The following DOCK4 variants were observed in gnomAD, a reference collection of about 807,000 sequenced individuals.
The protein encoded by DOCK4 is dedicator of cytokinesis protein 4.
A neutral mutation model predicts 268.1 loss-of-function variants in DOCK4; 97 were observed. The observed-to-expected ratio is 0.36, with a 90% CI of 0.31 to 0.43. The LOEUF is 0.43. DOCK4 is among the 20% of genes least tolerant of loss of function. The probability of loss-of-function intolerance (pLI) is 1.00; values close to 1 mark genes in which losing one functional copy is unlikely to be tolerated. For synonymous variants in DOCK4, 954 were observed against 887.2 expected (o/e 1.08, Z -1.34); for missense variants, 2,145 against 2,455.7 (o/e 0.87, Z 2.67).
chr7:111,762,462 G>C (rs1298152447), intron 39 of DOCK4, among the ~76,000 whole-genome samples: 2 of 152,068 alleles, frequency 1.3e-5, no homozygotes, highest in Admixed American at 6.5e-5. Flanking sequence ...CTGGCCTTTT[G>C]TGACTAGCTT....
At position 111,974,492 on chromosome 7, in the gene DOCK4, A is replaced by ATATGTG. The variant is rs1491266241; in HGVS notation, c.701+2639_701+2640insCACATA. 4.7e-5 allele frequency among the ~76,000 whole-genome samples: 4 copies of ATATGTG among 84,324 alleles called. No homozygotes were observed. The East Asian group carries it at 1.4e-3, about 29-fold the overall frequency. The allele number at this position is 84,324 out of a possible 152,430, so 55.3% of individuals were successfully genotyped here. A position where few individuals can be genotyped will look rare whatever the true frequency, so the allele number is the denominator to read the frequency against. ...AGATCAGGTGGCATATTGAAGAGGGATGTGTGTGTGTGTGTGTGTGTGTGT... is the reference window on the plus strand; with the variant it reads ...AGATCAGGTGGCATATTGAAGAGGGATATGTGTGTGTGTGTGTGTGTGTGTGTGTGT... On this transcript the variant is annotated intron_variant, in intron 8 of 52. Transcript: ENST00000428084.
rs1310748062 is a variant in DOCK4 at position 111,933,296 on chromosome 7, ATATTT to A, written c.1066+2239_1066+2243del. On this transcript the variant is annotated intron_variant, in intron 12 of 52. Coordinates refer to ENST00000428084, the MANE Select transcript of DOCK4 (RefSeq NM_001363540.2). Reference sequence around the variant, plus strand: ...CATATATACATATATATATATATATATATTTTTTTTTTTTTTTGAGATGGAGTCTC... The same window carrying A: ...CATATATACATATATATATATATATATTTTTTTTTTTTGAGATGGAGTCTC... 4.3e-4 allele frequency among the ~76,000 whole-genome samples: 47 copies of A among 108,382 alleles called. 1 individual carries two copies. Among genetic ancestry groups the A allele is most frequent in the African/African-American group, 1.9e-3 (47 of 24,262 alleles). 71.1% of individuals were successfully genotyped at this position (108,382 alleles called of 152,430 possible). A position where few individuals can be genotyped will look rare whatever the true frequency, so the allele number is the denominator to read the frequency against.
At chr7:111,861,091 G>C (rs989205516) in intron 23 of DOCK4, among the ~76,000 whole-genome samples, 1 of 152,176 alleles carries the variant, frequency 6.6e-6, no homozygotes, top group South Asian at 2.1e-4. Flanking sequence ...AGCAGGGTTG[G>C]TGTTTGAGTT....
At position 111,865,121 on chromosome 7, in the gene DOCK4, G is replaced by A. The variant is rs796220763; in HGVS notation, c.2281-1557C>T. Among the ~76,000 whole-genome samples, 91 of 152,298 alleles carry A rather than the reference G, an allele frequency of 6.0e-4. 2 individuals are homozygous for A. The highest frequency in any genetic ancestry group is 2.0e-3 in the African/African-American group (84 of 41,566). On this transcript the variant is annotated intron_variant, in intron 22 of 52. Coordinates refer to ENST00000428084, the MANE Select transcript of DOCK4 (RefSeq NM_001363540.2). ...GACACACAGGGAAAGATAACTATTG[G>A]GAATTGTCTAGCAGGGTTTGGGGCC...
chr7:111,728,362 G>T lies in DOCK4; in HGVS notation c.5840C>A (p.Ala1947Glu). 6.6e-7 allele frequency: 1 copy of T among 1,524,880 alleles called. No individual in the cohort carries two copies. The highest frequency in any genetic ancestry group is 8.8e-7 in the Non-Finnish European group (1 of 1,138,242). 94.5% of individuals were successfully genotyped at this position (1,524,880 alleles called of 1,614,324 possible). A position where few individuals can be genotyped will look rare whatever the true frequency, so the allele number is the denominator to read the frequency against. Residue 1947 changes from alanine (A) to glutamate (E), a missense_variant, in exon 53 of 53, where the codon GCG becomes GAG. Physicochemically the swap from Ala to Glu is moderately radical, Grantham distance 107. Transcript: ENST00000428084. ...CCCATTCTCCAGGTGGCTGGATCGC[G>T]CTGCCAGAGGCTTGGGGGGCAGCGC... Reference protein sequence around the residue: ...PPALPPKPLAARSSHLENGAR... With the variant: ...PPALPPKPLAERSSHLENGAR...
chr7:111,882,734 T>A (rs1490127965), intron 16 of DOCK4, among the ~76,000 whole-genome samples: 1 of 152,066 alleles, frequency 6.6e-6, no homozygotes, highest in Non-Finnish European at 1.5e-5. Context: ...TGCCTCAGCC[T>A]CCCAAGTAGC....
chr7:112,153,629 G>C (rs1390114694), intron 1 of DOCK4, among the ~76,000 whole-genome samples: 1 of 152,226 alleles, frequency 6.6e-6, no homozygotes, highest in East Asian at 1.9e-4. Context: ...TTCTTCATGA[G>C]CTAAGCCATA....
intron 15 of DOCK4, 117 bp downstream of exon 15, chr7:111,900,257 C>T (rs559989519): frequency 1.6e-6 from 2 of 1,273,522 alleles, no homozygotes; most frequent in Non-Finnish European, 2.2e-6. Flanking sequence ...TAGAATGGAA[C>T]AAACTGATTT....
chr7:112,193,320 G>A (rs1161696535), intron 1 of DOCK4, among the ~76,000 whole-genome samples: 3 of 152,130 alleles, frequency 2.0e-5, no homozygotes, highest in Admixed American at 2.0e-4. Context: ...ACTCAAATGG[G>A]TGCAGTCGTT....
intron 1 of DOCK4, among the ~76,000 whole-genome samples, chr7:112,081,154 G>A (rs953457098): frequency 6.6e-6 from 1 of 152,058 alleles, no homozygotes; most frequent in South Asian, 2.1e-4. Flanking sequence ...CATGAAAAAA[G>A]AATCGAAACA....
intron 22 of DOCK4, among the ~76,000 whole-genome samples, chr7:111,866,673 A>G (rs540645132): frequency 1.3e-5 from 2 of 152,240 alleles, no homozygotes; most frequent in Non-Finnish European, 2.9e-5. Flanking sequence ...GGTACAACTA[A>G]GGTAAAAAAA....
chr7:112,196,779 A>G (rs1176080884), intron 1 of DOCK4, among the ~76,000 whole-genome samples: 1 of 152,130 alleles, frequency 6.6e-6, no homozygotes, highest in Non-Finnish European at 1.5e-5. Flanking sequence ...AGGTATTGTT[A>G]ACTAATACAA....
At chr7:112,125,763 A>C (rs140789563) in intron 1 of DOCK4, among the ~76,000 whole-genome samples, 3 of 152,238 alleles carry the variant, frequency 2.0e-5, no homozygotes, top group African/African-American at 7.2e-5. Flanking sequence ...ATGGCACTGC[A>C]CTCAATATAT....
intron 1 of DOCK4, among the ~76,000 whole-genome samples, chr7:112,112,443 A>G (rs1586845986): frequency 6.6e-6 from 1 of 152,068 alleles, no homozygotes; most frequent in African/African-American, 2.4e-5. Flanking sequence ...GGAGTTCGAG[A>G]CCAGCCTGGC....
chr7:111,915,657 T>C, intron 13 of DOCK4, 122 bp downstream of exon 13: 1 of 980,580 alleles, frequency 1.0e-6, no homozygotes, highest in Non-Finnish European at 1.4e-6. Context: ...ACATACCTCA[T>C]TTCATTCTTC....
At chr7:112,070,300 A>G (rs909657341) in intron 1 of DOCK4, among the ~76,000 whole-genome samples, 8 of 152,126 alleles carry the variant, frequency 5.3e-5, no homozygotes, top group Non-Finnish European at 1.2e-4. Context: ...GAAGGAAGGG[A>G]TATTATGATT....
rs542029779 is a variant in DOCK4 at position 111,848,872 on chromosome 7, G to A, written c.2474-1746C>T. On this transcript the variant is annotated intron_variant, in intron 23 of 52. Transcript: ENST00000428084. ...CTTCCACCACCTCTTAGATGGAAAG[G>A]TAAAGTGCTCTGGATTGGCCACAGG... 5.9e-5 allele frequency among the ~76,000 whole-genome samples: 9 copies of A among 152,280 alleles called. No individual in the cohort carries two copies. In the East Asian group the frequency reaches 1.2e-3, roughly 20 times the overall value.
intron 15 of DOCK4, among the ~76,000 whole-genome samples, chr7:111,896,956 C>T (rs577329990): frequency 6.6e-6 from 1 of 152,188 alleles, no homozygotes; most frequent in African/African-American, 2.4e-5. Context: ...AAAAATCACA[C>T]CAAAGATCTC....
At chr7:112,124,514 G>A (rs1813039263) in intron 1 of DOCK4, among the ~76,000 whole-genome samples, 1 of 152,158 alleles carries the variant, frequency 6.6e-6, no homozygotes, top group Non-Finnish European at 1.5e-5. Flanking sequence ...CCAAATACAA[G>A]TTCTTTTTCT....
Sources: allele counts gnomAD v4.1 joint callset (sites outside exome capture counted in the v4.1 genomes callset), GRCh38; gene constraint gnomAD v4.1.1; transcripts MANE v1.5; gene names NCBI Gene and HGNC (gene_info 2026-07-23, HGNC 2026-07-21).